Variants in BCO1 observed in about 807,000 individuals in gnomAD.
BCO1 encodes beta-carotene oxygenase 1, also known as beta,beta-carotene 15,15'-dioxygenase.
BCO1 carries 54 observed loss-of-function variants against 56.3 expected under a neutral mutation model. That is an observed-to-expected ratio of 0.96 (90% CI 0.77 to 1.20). The LOEUF (loss-of-function observed/expected upper bound fraction) is 1.20. Among genes scored for constraint, BCO1 ranks in the 50% most tolerant of loss-of-function variants. The pLI is 0.00. For missense variants in BCO1, 801 were observed against 690.9 expected (o/e 1.16, Z -1.79); for synonymous variants, 318 against 266.1 (o/e 1.20, Z -1.90).
At position 81,259,794 on chromosome 16, in the gene BCO1, C is replaced by T; in HGVS notation, c.312C>T (p.Asn104=). Residue 104 remains asparagine, a synonymous_variant, in exon 3 of 11, where the codon AAC becomes AAT. Coordinates refer to ENST00000258168, the MANE Select transcript of BCO1 (RefSeq NM_017429.3). Reference sequence around the variant, plus strand: ...TGGCCTATCCGGACCCCTGCAAAAACATATTTTCCAAGTAACTGCCTATTT... The same window carrying T: ...TGGCCTATCCGGACCCCTGCAAAAATATATTTTCCAAGTAACTGCCTATTT... ...GTMAYPDPCK[N]IFSKAFSYLS... 2.5e-6 allele frequency: 4 copies of T among 1,614,192 alleles called. No homozygotes were observed. The highest frequency in any genetic ancestry group is 3.4e-6 in the Non-Finnish European group (4 of 1,180,018).
intron 8 of BCO1, among the ~76,000 whole-genome samples, chr16:81,282,055 CA>C: frequency 6.6e-6 from 1 of 152,334 alleles, no homozygotes; most frequent in East Asian, 1.9e-4. Context: ...CAAGGAGACT[CA>C]GCTAGAGAGT....
chr16:81,275,888 G>T (rs1907525485), intron 7 of BCO1, among the ~76,000 whole-genome samples: 1 of 152,304 alleles, frequency 6.6e-6, no homozygotes, highest in African/African-American at 2.4e-5. Context: ...GCGGTGTGGG[G>T]GTGCCTGAGG....
At chr16:81,284,495 G>T (rs1486030382) in intron 8 of BCO1, among the ~76,000 whole-genome samples, 1 of 151,858 alleles carries the variant, frequency 6.6e-6, no homozygotes, top group Non-Finnish European at 1.5e-5. Flanking sequence ...TCTATAACCA[G>T]CATTTTACAC....
intron 2 of BCO1, among the ~76,000 whole-genome samples, chr16:81,258,439 T>C (rs1011010189): frequency 6.6e-6 from 1 of 152,234 alleles, no homozygotes; most frequent in South Asian, 2.1e-4. Flanking sequence ...CTCCTGGTTG[T>C]GTTCAATATC....
At chr16:81,279,546 G>A (rs1269617473) in intron 7 of BCO1, among the ~76,000 whole-genome samples, 2 of 152,160 alleles carry the variant, frequency 1.3e-5, no homozygotes, top group Admixed American at 6.5e-5. Flanking sequence ...AGGCATTCTT[G>A]TGAATCATTT....
chr16:81,282,003 T>G (rs1907911042), intron 8 of BCO1, among the ~76,000 whole-genome samples: 1 of 152,092 alleles, frequency 6.6e-6, no homozygotes, highest in African/African-American at 2.4e-5. Context: ...CATAGAGAGG[T>G]CTGTGTTCCA....
chr16:81,245,849 C>CTTTTTTT (rs1176582576), intron 2 of BCO1, among the ~76,000 whole-genome samples: 4 of 93,382 alleles, frequency 4.3e-5, no homozygotes, highest in Non-Finnish European at 6.1e-5. Context: ...CCATCTCTGT[C>CTTTTTTT]TTTTTTTTTT....
At chr16:81,283,453 C>T (rs1056934268) in intron 8 of BCO1, among the ~76,000 whole-genome samples, 2 of 151,904 alleles carry the variant, frequency 1.3e-5, no homozygotes, top group African/African-American at 2.4e-5. Context: ...AAAAATTAGC[C>T]GGGGGTAGTG....
At chr16:81,254,024 G>T (rs1373119972) in intron 2 of BCO1, among the ~76,000 whole-genome samples, 2 of 152,164 alleles carry the variant, frequency 1.3e-5, no homozygotes, top group Non-Finnish European at 1.5e-5. Context: ...CTGAAAAGAT[G>T]TTTGCATAAA....
At position 81,250,578 on chromosome 16, in the gene BCO1, C is replaced by CTTTTTTTTTT. The variant is rs530676028; in HGVS notation, c.193+4986_193+4995dup. ...TTGTGTGCCTCCTTTCTCAATAAAGCTTTTTTTTTTTTTTTTTTTTGAGAT... is the reference window on the plus strand; with the variant it reads ...TTGTGTGCCTCCTTTCTCAATAAAGCTTTTTTTTTTTTTTTTTTTTTTTTTTTTTTGAGAT... On this transcript the variant is annotated intron_variant, in intron 2 of 10. Transcript: ENST00000258168. Among the ~76,000 whole-genome samples the CTTTTTTTTTT allele has an allele frequency of 3.8e-4, 40 of 105,486 alleles. 1 individual carries two copies. The highest frequency in any genetic ancestry group is 1.1e-3 in the African/African-American group (28 of 26,106). 69.2% of individuals were successfully genotyped at this position (105,486 alleles called of 152,430 possible). A position where few individuals can be genotyped will look rare whatever the true frequency, so the allele number is the denominator to read the frequency against.
Position 81,267,984 on chromosome 16 carries a change from C to A in BCO1, c.696C>A (p.Ser232=). Residue 232 remains serine (S), a synonymous_variant, in exon 6 of 11, where the codon TCC becomes TCA. Transcript: ENST00000258168. ...CCATCCCATCCCGCTCCCTGCTCTC[C>A]CCAAGCTACTACCACAGCTTTGGAG... ...FCSIPSRSLL[S]PSYYHSFGVT... 6.2e-7 allele frequency: 1 copy of A among 1,614,012 alleles called. No homozygotes were observed. Among genetic ancestry groups the A allele is most frequent in the Non-Finnish European group, 8.5e-7 (1 of 1,180,016 alleles).
In BCO1 at chr16:81,243,862, G is replaced by A. The variant is rs552506088; in HGVS notation, c.65-1613G>A. 5.8e-4 allele frequency among the ~76,000 whole-genome samples: 89 copies of A among 152,318 alleles called. 1 individual carries two copies. Among genetic ancestry groups the A allele is most frequent in the Middle Eastern group, 3.4e-3 (1 of 294 alleles). ...ACGTGATCCCAAGAAACATCAGGAG[G>A]AACTCAGGGAAACAGAGAGAAGGAA... On this transcript the variant is annotated intron_variant, in intron 1 of 10. Transcript: ENST00000258168.
chr16:81,280,813 A>T (rs1335824608), intron 7 of BCO1, 44 bp from the exon 8 acceptor site: 2 of 1,385,842 alleles, frequency 1.4e-6, no homozygotes, highest in Middle Eastern at 1.8e-4. Context: ...TTTGCTCTGG[A>T]TTACACGTTT....
At chr16:81,250,117 T>A (rs1567699905) in intron 2 of BCO1, among the ~76,000 whole-genome samples, 1 of 152,108 alleles carries the variant, frequency 6.6e-6, no homozygotes, top group Non-Finnish European at 1.5e-5. Context: ...TCCCCGTCAC[T>A]CCTGAGGAGG....
chr16:81,243,879 G>C (rs1312762055), intron 1 of BCO1, among the ~76,000 whole-genome samples: 1 of 152,146 alleles, frequency 6.6e-6, no homozygotes, highest in East Asian at 1.9e-4. Context: ...GGGAAACAGA[G>C]AGAAGGAAAC....
At chr16:81,241,464 A>T (rs922933890) in intron 1 of BCO1, among the ~76,000 whole-genome samples, 14 of 152,216 alleles carry the variant, frequency 9.2e-5, no homozygotes, top group East Asian at 1.9e-4. Flanking sequence ...GTGAGCCCCA[A>T]AGATCAGCAG....
chr16:81,290,272 G>C, intron 10 of BCO1, 76 bp from the exon 11 acceptor site: 12 of 1,205,978 alleles, frequency 1.0e-5, no homozygotes, highest in Non-Finnish European at 1.5e-5. Flanking sequence ...AGAGGGCAGA[G>C]AGACATGCTG....
chr16:81,245,920 T>C lies in BCO1; in HGVS notation c.193+317T>C, dbSNP rs186569010. On this transcript the variant is annotated intron_variant, in intron 2 of 10. Coordinates refer to ENST00000258168, the MANE Select transcript of BCO1 (RefSeq NM_017429.3). The stretch of plus-strand genomic sequence containing the variant: ...TCTTGTTGCCCAAGCTGGAGTGCAA[T>C]GGTGCAATCTTGACTCACGGCAACC... Among the ~76,000 whole-genome samples, 604 of 132,684 alleles carry C rather than the reference T, an allele frequency of 4.6e-3. 4 individuals carry two copies. Among genetic ancestry groups the C allele is most frequent in the African/African-American group, 0.015 (558 of 37,280 alleles). 87.0% of individuals were successfully genotyped at this position (132,684 alleles called of 152,430 possible).
intron 4 of BCO1, chr16:81,262,577 C>T (rs993442542): frequency 1.2e-4 from 45 of 383,486 alleles, no homozygotes; most frequent in South Asian, 8.2e-4. Context: ...CCTGTAATTC[C>T]AGCACTTTGG....
Sources: gnomAD v4.1 joint callset for allele counts (sites outside exome capture counted in the v4.1 genomes callset) on GRCh38, gnomAD v4.1.1 for gene constraint, MANE v1.5 for transcripts, NCBI Gene and HGNC (gene_info 2026-07-23, HGNC 2026-07-21) for gene names.